The following PNPLA3 variants were observed in gnomAD, a reference collection of about 807,000 sequenced individuals.
PNPLA3 encodes the protein 1-acylglycerol-3-phosphate O-acyltransferase PNPLA3.
A neutral mutation model predicts 43.1 loss-of-function variants in PNPLA3; 42 were observed. The ratio of observed to expected loss-of-function variants is 0.97; its 90% CI spans 0.76 to 1.26. The LOEUF is 1.26. PNPLA3 is among the 50% of genes most tolerant of loss of function. The probability of loss-of-function intolerance (pLI) is 0.00; values close to 1 mark genes in which losing one functional copy is unlikely to be tolerated. For missense variants in PNPLA3, 647 were observed against 621.4 expected, an observed-to-expected ratio of 1.04 and a Z score of -0.44; for synonymous variants, 272 against 253.6, an observed-to-expected ratio of 1.07 and a Z score of -0.69.
At chr22:43,937,901 AC>A (rs1337257446) in intron 6 of PNPLA3, among the ~76,000 whole-genome samples, 1 of 152,096 alleles carries the variant, frequency 6.6e-6, no homozygotes, top group Non-Finnish European at 1.5e-5. Context: ...TGAAATCCTA[AC>A]CCCCAACATG....
chr22:43,931,195 C>T (rs9626056), intron 3 of PNPLA3, among the ~76,000 whole-genome samples: 6,531 of 152,174 alleles, frequency 0.043, 182 homozygotes, highest in Middle Eastern at 0.078. Flanking sequence ...TATAGAGGCC[C>T]GAGATGCTGT....
chr22:43,946,188 C>T lies in PNPLA3; in HGVS notation c.1252C>T (p.Pro418Ser), dbSNP rs752584334. Residue 418 changes from proline (P) to serine (S), a missense_variant, in exon 9 of 9, where the codon CCA becomes TCA. Transcript: ENST00000216180. The part of the protein sequence containing the change: ...QMPVSSQQAS[P>S]CTPEQDWPCW... ...GCCAGTGAGCAGCCAACAGGCCTCC[C>T]CATGCACACCTGAGCAGGACTGGCC... The T allele has an allele frequency of 2.7e-5, 43 of 1,613,980 alleles. No individual in the cohort carries two copies. Among genetic ancestry groups the T allele is most frequent in the Non-Finnish European group, 2.5e-6 (3 of 1,179,960 alleles).
At chr22:43,945,912 C>A (rs1476633174) in intron 8 of PNPLA3, among the ~76,000 whole-genome samples, 1 of 152,128 alleles carries the variant, frequency 6.6e-6, no homozygotes, top group Non-Finnish European at 1.5e-5. Context: ...CGTTGGTGGA[C>A]AACACCTGTG....
At chr22:43,925,837 C>T (rs73888499) in intron 1 of PNPLA3, among the ~76,000 whole-genome samples, 1,608 of 152,332 alleles carry the variant, frequency 0.011, 45 homozygotes, top group African/African-American at 0.037. Flanking sequence ...AATGTTTACA[C>T]TGGGACAGAA....
At chr22:43,924,639 C>CTTTTCTTT (rs1476668712) in intron 1 of PNPLA3, among the ~76,000 whole-genome samples, 1 of 151,664 alleles carries the variant, frequency 6.6e-6, no homozygotes, top group Non-Finnish European at 1.5e-5. Flanking sequence ...CTGCGCTTTT[C>CTTTTCTTT]TTTTCTTTTT....
chr22:43,937,310 T>C, intron 6 of PNPLA3, 38 bp downstream of exon 6: 3 of 1,583,516 alleles, frequency 1.9e-6, no homozygotes, highest in Non-Finnish European at 2.6e-6. Context: ...CAGCACCTTG[T>C]TTTCTTTCTT....
At chr22:43,939,702 G>A (rs907352214) in intron 6 of PNPLA3, among the ~76,000 whole-genome samples, 1 of 152,226 alleles carries the variant, frequency 6.6e-6, no homozygotes, top group East Asian at 1.9e-4. Flanking sequence ...TGTAATCCCA[G>A]CTACTTGGGA....
chr22:43,939,992 G>T lies in PNPLA3; in HGVS notation c.980-1G>T, dbSNP rs2050020923. ...TAATAGCTCCAAATTGTCTTTTTCA[G>T]CACTGAGTGAAGAAATGAAAGACAA... On this transcript the variant is annotated splice_acceptor_variant, in intron 6 of 8. Coordinates refer to ENST00000216180, the MANE Select transcript of PNPLA3 (RefSeq NM_025225.3). LOFTEE classifies it high-confidence loss of function. 2 of 1,614,020 alleles carry T rather than the reference G, an allele frequency of 1.2e-6. No homozygotes were observed. The highest frequency in any genetic ancestry group is 1.3e-5 in the African/African-American group (1 of 74,916).
intron 7 of PNPLA3, among the ~76,000 whole-genome samples, chr22:43,944,174 G>A (rs570684070): frequency 3.1e-4 from 47 of 152,130 alleles, no homozygotes; most frequent in Non-Finnish European, 5.7e-4. Context: ...CACTCCCCAG[G>A]ATCAGCCTCC....
intron 7 of PNPLA3, 35 bp downstream of exon 7, chr22:43,940,160 A>T (rs1233506792): frequency 1.3e-6 from 2 of 1,598,212 alleles, no homozygotes; most frequent in African/African-American, 2.7e-5. Context: ...TCTTCCTCAC[A>T]GGGTTGATAT....
intron 4 of PNPLA3, among the ~76,000 whole-genome samples, chr22:43,933,947 T>C (rs188257232): frequency 7.9e-5 from 12 of 152,292 alleles, no homozygotes; most frequent in African/African-American, 2.9e-4. Context: ...ACAGCTCTTA[T>C]TGTCCTAGTG....
At chr22:43,925,963 C>T (rs1269596360) in intron 1 of PNPLA3, among the ~76,000 whole-genome samples, 2 of 152,286 alleles carry the variant, frequency 1.3e-5, no homozygotes, top group East Asian at 3.9e-4. Flanking sequence ...CACAGGGAGG[C>T]TCAGGAACCA....
chr22:43,935,254 A>G (rs1260612971), intron 5 of PNPLA3, among the ~76,000 whole-genome samples: 1 of 152,162 alleles, frequency 6.6e-6, no homozygotes, highest in Non-Finnish European at 1.5e-5. Context: ...TGGTTGATGA[A>G]TTTGTCGTTG....
chr22:43,929,479 AAG>A (rs2049947608), intron 3 of PNPLA3, among the ~76,000 whole-genome samples: 1 of 151,392 alleles, frequency 6.6e-6, no homozygotes. Flanking sequence ...CTATCTCAAA[AAG>A]AAAAAAAAAA....
chr22:43,927,205 A>G (rs754447238), intron 2 of PNPLA3, 38 bp downstream of exon 2: 2 of 1,592,076 alleles, frequency 1.3e-6, no homozygotes, highest in East Asian at 2.2e-5. Context: ...TCAAGTTAGA[A>G]AAGCTGTTTT....
At chr22:43,931,374 A>G (rs1460808076) in intron 3 of PNPLA3, among the ~76,000 whole-genome samples, 1 of 152,182 alleles carries the variant, frequency 6.6e-6, no homozygotes, top group Non-Finnish European at 1.5e-5. Context: ...AAAGTTCAAA[A>G]TGCATGGAAA....
chr22:43,927,706 G>A (rs2049934156), intron 2 of PNPLA3, among the ~76,000 whole-genome samples: 1 of 151,968 alleles, frequency 6.6e-6, no homozygotes, highest in Non-Finnish European at 1.5e-5. Context: ...TCCCAGGCTG[G>A]AGTGCAGTGG....
chr22:43,928,690 C>A, intron 2 of PNPLA3, 134 bp from the exon 3 acceptor site: 1 of 390,726 alleles, frequency 2.6e-6, no homozygotes, highest in South Asian at 2.5e-5. Flanking sequence ...TTCTTTTGAC[C>A]CATGGATTAA....
At chr22:43,944,347 A>G (rs2146792065) in intron 7 of PNPLA3, among the ~76,000 whole-genome samples, 1 of 152,326 alleles carries the variant, frequency 6.6e-6, no homozygotes, top group South Asian at 2.1e-4. Context: ...GACCAAGCAC[A>G]GCAAACCATG....
Sources: gnomAD v4.1 joint callset for allele counts (sites outside exome capture counted in the v4.1 genomes callset) on GRCh38, gnomAD v4.1.1 for gene constraint, MANE v1.5 for transcripts, NCBI Gene and HGNC (gene_info 2026-07-23, HGNC 2026-07-21) for gene names.